The following ARHGAP15 variants were observed in gnomAD, a reference collection of about 807,000 sequenced individuals.
The protein encoded by ARHGAP15 is Rho GTPase activating protein 15.
ARHGAP15 carries 51 observed loss-of-function variants against 63.7 expected under a neutral mutation model. That is an observed-to-expected ratio of 0.80 (90% CI 0.64 to 1.01). ARHGAP15 has a LOEUF of 1.01. Ranked by LOEUF, ARHGAP15 falls within the 50% of genes least tolerant of loss-of-function variation. ARHGAP15 has a pLI of 0.00. For synonymous variants in ARHGAP15, 191 were observed against 193.8 expected (o/e 0.99, Z 0.12); for missense variants, 560 against 564.6 (o/e 0.99, Z 0.08).
At chr2:143,297,881 T>C (rs1274827471) in intron 6 of ARHGAP15, among the ~76,000 whole-genome samples, 1 of 152,006 alleles carries the variant, frequency 6.6e-6, no homozygotes, top group Non-Finnish European at 1.5e-5. Context: ...ACAGTATAAT[T>C]GAGGACTATT....
chr2:143,330,094 C>CAA (rs1303438123), intron 6 of ARHGAP15, among the ~76,000 whole-genome samples: 17 of 1,684 alleles, frequency 0.01, 1 homozygote, highest in Non-Finnish European at 0.016. Flanking sequence ...GGCTCTGTCT[C>CAA]AAAAAAAAAA....
intron 6 of ARHGAP15, among the ~76,000 whole-genome samples, chr2:143,374,833 C>T (rs1390921111): frequency 6.6e-6 from 1 of 152,026 alleles, no homozygotes; most frequent in Non-Finnish European, 1.5e-5. Flanking sequence ...TTGTTCTACC[C>T]CACCAGACTA....
At chr2:143,196,436 C>A (rs1172395570) in intron 2 of ARHGAP15, among the ~76,000 whole-genome samples, 1 of 151,808 alleles carries the variant, frequency 6.6e-6, no homozygotes, top group Non-Finnish European at 1.5e-5. Context: ...CTTTTTTTCT[C>A]CCCAAAAGAA....
chr2:143,293,750 G>A (rs551066398), intron 6 of ARHGAP15, among the ~76,000 whole-genome samples: 1 of 152,120 alleles, frequency 6.6e-6, no homozygotes, highest in Non-Finnish European at 1.5e-5. Flanking sequence ...TAATATATAT[G>A]TTTTGCAACT....
chr2:143,532,136 G>A (rs1220395156), intron 10 of ARHGAP15, among the ~76,000 whole-genome samples: 3 of 152,202 alleles, frequency 2.0e-5, no homozygotes, highest in Non-Finnish European at 4.4e-5. Flanking sequence ...AATATTGTTA[G>A]GTGGTTACAG....
intron 6 of ARHGAP15, among the ~76,000 whole-genome samples, chr2:143,392,087 C>T (rs1355848151): frequency 6.6e-6 from 1 of 152,148 alleles, no homozygotes; most frequent in Non-Finnish European, 1.5e-5. Context: ...AGAAACTTAT[C>T]ATGCTCTGAA....
intron 13 of ARHGAP15, among the ~76,000 whole-genome samples, chr2:143,750,685 A>G (rs1422760007): frequency 6.6e-6 from 1 of 152,178 alleles, no homozygotes; most frequent in Non-Finnish European, 1.5e-5. Context: ...GAAGAGAATC[A>G]CATGCAGAGC....
intron 11 of ARHGAP15, among the ~76,000 whole-genome samples, chr2:143,603,172 C>G (rs918066801): frequency 7.9e-5 from 12 of 152,190 alleles, no homozygotes; most frequent in African/African-American, 2.9e-4. Flanking sequence ...CTTGCTGGCC[C>G]TGGACCTCCT....
intron 6 of ARHGAP15, among the ~76,000 whole-genome samples, chr2:143,310,684 TTTTA>T (rs1359126582): frequency 6.6e-6 from 1 of 152,016 alleles, no homozygotes; most frequent in African/African-American, 2.4e-5. Flanking sequence ...CTGCCTTACC[TTTTA>T]TTTAATTTAC....
intron 8 of ARHGAP15, among the ~76,000 whole-genome samples, chr2:143,465,039 G>A (rs559741467): frequency 9.2e-5 from 14 of 152,230 alleles, no homozygotes; most frequent in African/African-American, 3.4e-4. Context: ...GAGACTGAAA[G>A]CCTTTCTCCC....
intron 12 of ARHGAP15, among the ~76,000 whole-genome samples, chr2:143,684,222 G>A (rs1683226913): frequency 6.6e-6 from 1 of 152,230 alleles, no homozygotes; most frequent in Admixed American, 6.5e-5. Context: ...CACAAAACAA[G>A]CAAGGTAAAT....
At chr2:143,425,345 A>G (rs1257611929) in intron 6 of ARHGAP15, among the ~76,000 whole-genome samples, 4 of 147,944 alleles carry the variant, frequency 2.7e-5, no homozygotes, top group African/African-American at 1.1e-4. Context: ...CTCTCTTTAT[A>G]TATAGAGAGA....
At chr2:143,538,007 A>G (rs1367245073) in intron 10 of ARHGAP15, among the ~76,000 whole-genome samples, 2 of 152,218 alleles carry the variant, frequency 1.3e-5, no homozygotes, top group Non-Finnish European at 2.9e-5. Context: ...CTTCCTACCC[A>G]TGAGCATAGA....
At chr2:143,479,641 A>G (rs1162530297) in intron 8 of ARHGAP15, among the ~76,000 whole-genome samples, 1 of 152,132 alleles carries the variant, frequency 6.6e-6, no homozygotes, top group Admixed American at 6.6e-5. Context: ...TCAAGTGACA[A>G]AGTTTTACTG....
At chr2:143,206,701 A>G (rs1363649667) in intron 3 of ARHGAP15, among the ~76,000 whole-genome samples, 2 of 152,088 alleles carry the variant, frequency 1.3e-5, no homozygotes, top group Non-Finnish European at 2.9e-5. Context: ...ACTTCGTATA[A>G]AGGCTGGCAC....
intron 11 of ARHGAP15, among the ~76,000 whole-genome samples, chr2:143,558,386 T>A (rs937281924): frequency 1.3e-5 from 2 of 152,150 alleles, no homozygotes; most frequent in Non-Finnish European, 2.9e-5. Context: ...TCCAGTCAGA[T>A]TTCTTCTCTG....
chr2:143,496,182 T>G (rs950107092), intron 9 of ARHGAP15, among the ~76,000 whole-genome samples: 2 of 152,120 alleles, frequency 1.3e-5, no homozygotes, highest in African/African-American at 4.8e-5. Context: ...TGGGAGCAAA[T>G]GTGTTGGTAA....
chr2:143,484,690 T>G (rs1028338290), intron 8 of ARHGAP15, among the ~76,000 whole-genome samples: 1 of 152,140 alleles, frequency 6.6e-6, no homozygotes, highest in Non-Finnish European at 1.5e-5. Context: ...ATGAAACATA[T>G]GTATAATGTA....
chr2:143,527,844 C>T (rs893981175), intron 10 of ARHGAP15, among the ~76,000 whole-genome samples: 6 of 151,888 alleles, frequency 4.0e-5, no homozygotes, highest in Non-Finnish European at 5.9e-5. Flanking sequence ...CCATTGCTAC[C>T]GATGCATATA....
Sources: gnomAD v4.1 joint callset for allele counts (sites outside exome capture counted in the v4.1 genomes callset) on GRCh38, gnomAD v4.1.1 for gene constraint, MANE v1.5 for transcripts, NCBI Gene and HGNC (gene_info 2026-07-23, HGNC 2026-07-21) for gene names.